Variants in SEMA6D observed in about 807,000 individuals in gnomAD.
SEMA6D encodes the protein semaphorin-6D.
In SEMA6D, 35 loss-of-function variants were observed where a neutral mutation model predicts 106.6. The observed-to-expected ratio is 0.33, with a 90% CI of 0.25 to 0.44. The LOEUF is 0.44. SEMA6D is among the 20% of genes least tolerant of loss of function. The pLI, the probability that SEMA6D is intolerant of heterozygous loss-of-function variation, is 1.00. For synonymous variants in SEMA6D, 499 were observed against 487.7 expected (o/e 1.02, Z -0.31); for missense variants, 1,185 against 1,345.9 (o/e 0.88, Z 1.87).
intron 4 of SEMA6D, among the ~76,000 whole-genome samples, chr15:47,689,897 CT>C (rs937783134): frequency 2.0e-5 from 3 of 152,230 alleles, no homozygotes; most frequent in African/African-American, 7.2e-5. Context: ...ATCATCATCT[CT>C]TTCCTATTCA....
At position 47,205,801 on chromosome 15, in the gene SEMA6D, G is replaced by A. The variant is rs189920975; in HGVS notation, c.-239+21383G>A. Among the ~76,000 whole-genome samples the A allele has an allele frequency of 1.2e-3, 183 of 152,208 alleles. 2 individuals carry two copies. Among genetic ancestry groups the A allele is most frequent in the African/African-American group, 4.3e-3 (177 of 41,540 alleles). ...AAGTTAGAGATACAAGTCCAGCAAAGTAATTATTTTATGTTATAGTTTATC... is the reference window on the plus strand; with the variant it reads ...AAGTTAGAGATACAAGTCCAGCAAAATAATTATTTTATGTTATAGTTTATC... On this transcript the variant is annotated intron_variant, in intron 1 of 19. Transcript: ENST00000558014.
At chr15:47,706,187 A>T (rs143152565) in intron 4 of SEMA6D, among the ~76,000 whole-genome samples, 63 of 152,294 alleles carry the variant, frequency 4.1e-4, no homozygotes, top group African/African-American at 1.4e-3. Context: ...AAAGTCAAAC[A>T]CTATTTTTTC....
chr15:47,540,228 A>G (rs999994149), intron 3 of SEMA6D, among the ~76,000 whole-genome samples: 1 of 152,304 alleles, frequency 6.6e-6, no homozygotes, highest in South Asian at 2.1e-4. Flanking sequence ...TGAGTAAGCC[A>G]TAATTCAGGG....
rs201230728 is a variant in SEMA6D, at chr15:47,529,621, C to A, written c.-87+59076C>A. Among the ~76,000 whole-genome samples, 434 of 81,426 alleles carry A rather than the reference C, an allele frequency of 5.3e-3. 1 individual carries two copies. Among genetic ancestry groups the A allele is most frequent in the African/African-American group, 0.015 (330 of 22,212 alleles). The allele number at this position is 81,426 out of a possible 152,430, so 53.4% of individuals were successfully genotyped here. A position where few individuals can be genotyped will look rare whatever the true frequency, so the allele number is the denominator to read the frequency against. ...GTAGCACTAAAAAAAAAAAAAAAAA[C>A]AAGTCATCTTCACTTTGAGGCACAC... is the stretch of plus-strand genomic sequence containing the variant. On this transcript the variant is annotated intron_variant, in intron 3 of 19. Coordinates refer to the SEMA6D transcript ENST00000558014.
At chr15:47,231,677 A>C (rs1344877799) in intron 1 of SEMA6D, among the ~76,000 whole-genome samples, 3 of 152,024 alleles carry the variant, frequency 2.0e-5, no homozygotes, top group African/African-American at 7.2e-5. Flanking sequence ...TTATTACATA[A>C]AACTGTGCCC....
chr15:47,632,098 G>A (rs141718865), intron 4 of SEMA6D, among the ~76,000 whole-genome samples: 47 of 151,718 alleles, frequency 3.1e-4, no homozygotes, highest in African/African-American at 9.9e-4. Flanking sequence ...TTTCTCTGTT[G>A]TCTTTCTGTT....
Position 47,283,157 on chromosome 15 carries a change from C to G in SEMA6D, c.-239+98739C>G, listed in dbSNP as rs573883052. On this transcript the variant is annotated intron_variant, in intron 1 of 19. Transcript: ENST00000558014. ...CAGTGGTGTCCCATATTCCACCCCA[C>G]CCTCATTTTCCTCTTTTTTAAATTC... Among the ~76,000 whole-genome samples, 4 of 152,220 alleles carry G rather than the reference C, an allele frequency of 2.6e-5. No homozygotes were observed. In the East Asian group the frequency reaches 7.7e-4, roughly 29 times the overall value.
chr15:47,621,193 A>G (rs1446205076), intron 4 of SEMA6D, among the ~76,000 whole-genome samples: 1 of 152,150 alleles, frequency 6.6e-6, no homozygotes, highest in Non-Finnish European at 1.5e-5. Context: ...TCAAGCACCC[A>G]CTACAACAGC....
At chr15:47,768,778 A>G in intron 18 of SEMA6D, 30 bp downstream of exon 18, 1 of 1,593,466 alleles carries the variant, frequency 6.3e-7, no homozygotes, top group Non-Finnish European at 8.6e-7. Context: ...CTCATCTCTA[A>G]CTGCGTGGAA....
intron 1 of SEMA6D, among the ~76,000 whole-genome samples, chr15:47,224,082 C>T (rs2031442777): frequency 2.0e-5 from 3 of 151,304 alleles, no homozygotes; most frequent in African/African-American, 7.3e-5. Context: ...GGGTGCAGCG[C>T]ACCAGCATGG....
Position 47,770,921 on chromosome 15 carries a change from G to A in SEMA6D, c.2358G>A (p.Gln786=). ...CCGTGCTTCACCAGAAGACCCTGCA[G>A]GCCATGAAGAGCCACTCAGAAAAGG... ...STPVLHQKTL[Q]AMKSHSEKAH... Residue 786 remains glutamine, a synonymous_variant, in exon 19 of 19, where the codon CAG becomes CAA. Coordinates refer to ENST00000536845, the MANE Select transcript of SEMA6D (RefSeq NM_001358351.3). The A allele has an allele frequency of 1.9e-6, 3 of 1,614,102 alleles. No individual in the cohort carries two copies. Among genetic ancestry groups the A allele is most frequent in the Non-Finnish European group, 2.5e-6 (3 of 1,180,002 alleles).
chr15:47,758,505 T>C (rs1352734147), intron 1 of SEMA6D, among the ~76,000 whole-genome samples: 1 of 152,160 alleles, frequency 6.6e-6, no homozygotes, highest in Non-Finnish European at 1.5e-5. Context: ...ATCCATCTCA[T>C]TGACCCAACA....
intron 3 of SEMA6D, among the ~76,000 whole-genome samples, chr15:47,495,205 T>C (rs2043612727): frequency 6.6e-6 from 1 of 152,012 alleles, no homozygotes; most frequent in Non-Finnish European, 1.5e-5. Context: ...CTATAAATAA[T>C]AATTTGTGCA....
intron 1 of SEMA6D, among the ~76,000 whole-genome samples, chr15:47,257,303 C>T (rs959628985): frequency 1.1e-4 from 17 of 152,110 alleles, no homozygotes; most frequent in African/African-American, 2.2e-4. Flanking sequence ...GTGATCCACC[C>T]GCCTTGGCCC....
At chr15:47,664,011 T>G (rs2077978459) in intron 4 of SEMA6D, among the ~76,000 whole-genome samples, 1 of 152,222 alleles carries the variant, frequency 6.6e-6, no homozygotes, top group African/African-American at 2.4e-5. Context: ...TTTGATGAAG[T>G]AGATATTCTT....
intron 3 of SEMA6D, among the ~76,000 whole-genome samples, chr15:47,543,819 G>A (rs1052304241): frequency 6.6e-6 from 1 of 151,880 alleles, no homozygotes; most frequent in African/African-American, 2.4e-5. Context: ...TTGATTCTGG[G>A]TACTTTCACT....
intron 2 of SEMA6D, among the ~76,000 whole-genome samples, chr15:47,437,521 C>T (rs1305193759): frequency 2.0e-5 from 3 of 152,224 alleles, no homozygotes; most frequent in South Asian, 2.1e-4. Flanking sequence ...TAATCCTTTT[C>T]CTTCATCCCA....
intron 1 of SEMA6D, among the ~76,000 whole-genome samples, chr15:47,755,867 G>A (rs1321866942): frequency 1.3e-5 from 2 of 148,490 alleles, no homozygotes; most frequent in African/African-American, 4.9e-5. Context: ...AATATATTAT[G>A]TATAATAATA....
intron 1 of SEMA6D, among the ~76,000 whole-genome samples, chr15:47,372,554 G>C (rs2039312663): frequency 6.6e-6 from 1 of 152,202 alleles, no homozygotes. Flanking sequence ...GCAAATGTTT[G>C]CTGATGCTAC....
Sources: allele counts gnomAD v4.1 joint callset (sites outside exome capture counted in the v4.1 genomes callset), GRCh38; gene constraint gnomAD v4.1.1; transcripts MANE v1.5; gene names NCBI Gene and HGNC (gene_info 2026-07-23, HGNC 2026-07-21).